The following BMAL1 variants were observed in gnomAD, a reference collection of about 807,000 sequenced individuals.
The protein encoded by BMAL1 is basic helix-loop-helix ARNT like 1.
At chr11:13,376,689 T>TC in the BMAL1 span, 1 of 1,613,670 alleles carries the variant, frequency 6.2e-7, no homozygotes, top group Non-Finnish European at 8.5e-7. Context: ...GCTCACAGCA[T>TC]CCCCCCACAG....
chr11:13,306,635 G>A, the BMAL1 span, among the ~76,000 whole-genome samples: 1 of 152,146 alleles, frequency 6.6e-6, no homozygotes, highest in Non-Finnish European at 1.5e-5. Flanking sequence ...CTGGCTGCTG[G>A]GTAAAAATCC....
At chr11:13,321,097 G>A in the BMAL1 span, among the ~76,000 whole-genome samples, 2 of 151,926 alleles carry the variant, frequency 1.3e-5, no homozygotes, top group Non-Finnish European at 2.9e-5. Context: ...CCTTCACTCT[G>A]CCTTTCCTCC....
At chr11:13,278,303 C>T in the BMAL1 span, among the ~76,000 whole-genome samples, 12 of 152,316 alleles carry the variant, frequency 7.9e-5, no homozygotes, top group African/African-American at 2.4e-4. Context: ...AGCTAGCTGC[C>T]TCTTAAAGGG....
At chr11:13,304,060 G>T in the BMAL1 span, among the ~76,000 whole-genome samples, 1 of 152,100 alleles carries the variant, frequency 6.6e-6, no homozygotes, top group African/African-American at 2.4e-5. Flanking sequence ...AGGCCACTGG[G>T]GTCACTGTAA....
chr11:13,296,839 A>G, the BMAL1 span, among the ~76,000 whole-genome samples: 2 of 152,208 alleles, frequency 1.3e-5, no homozygotes, highest in East Asian at 3.9e-4. Flanking sequence ...CCTTAAATTC[A>G]TAGTCAGACT....
the BMAL1 span, among the ~76,000 whole-genome samples, chr11:13,337,908 T>C: frequency 6.6e-6 from 1 of 152,228 alleles, no homozygotes; most frequent in Non-Finnish European, 1.5e-5. Flanking sequence ...ACTTGTGAGC[T>C]GAGGGATTTC....
At chr11:13,332,840 G>A in the BMAL1 span, among the ~76,000 whole-genome samples, 3 of 152,148 alleles carry the variant, frequency 2.0e-5, no homozygotes, top group African/African-American at 7.2e-5. Context: ...AGGAGTCTGG[G>A]AAGTAGCCTG....
the BMAL1 span, chr11:13,381,360 G>T: frequency 1.9e-6 from 2 of 1,064,154 alleles, no homozygotes; most frequent in Non-Finnish European, 2.9e-6. Flanking sequence ...AAACAATTTG[G>T]ACTACTTCCT....
chr11:13,385,723 G>A, the BMAL1 span: 2 of 1,613,574 alleles, frequency 1.2e-6, no homozygotes, highest in Non-Finnish European at 8.5e-7. Flanking sequence ...ATTCCTTCCA[G>A]TGGCCTACTA....
the BMAL1 span, among the ~76,000 whole-genome samples, chr11:13,360,048 T>A: frequency 6.6e-6 from 1 of 152,244 alleles, no homozygotes; most frequent in Non-Finnish European, 1.5e-5. Context: ...GCCTTCTTTC[T>A]TAGAAGCAGA....
At chr11:13,295,731 G>A in the BMAL1 span, among the ~76,000 whole-genome samples, 5 of 152,186 alleles carry the variant, frequency 3.3e-5, no homozygotes, top group African/African-American at 1.2e-4. Flanking sequence ...GCATACAAGA[G>A]TCCAGATTTA....
the BMAL1 span, chr11:13,366,884 A>G: frequency 1.3e-6 from 1 of 757,658 alleles, no homozygotes. Flanking sequence ...CAGCCTTTCC[A>G]GTCCTACTTC....
chr11:13,368,042 G>C, the BMAL1 span, among the ~76,000 whole-genome samples: 13 of 152,206 alleles, frequency 8.5e-5, no homozygotes. Flanking sequence ...CACACCGCTT[G>C]TTCCTAAAAG....
At chr11:13,378,377 A>T in the BMAL1 span, 1 of 1,613,232 alleles carries the variant, frequency 6.2e-7, no homozygotes, top group East Asian at 2.2e-5. Flanking sequence ...CAGGGATTCC[A>T]GGGGGAACCC....
chr11:13,349,811 C>T, the BMAL1 span: 3 of 152,140 alleles, frequency 2.0e-5, no homozygotes, highest in Non-Finnish European at 4.4e-5. Flanking sequence ...GTGACGAGCT[C>T]GCCCAGCCTT....
chr11:13,337,969 T>A, the BMAL1 span, among the ~76,000 whole-genome samples: 1 of 152,290 alleles, frequency 6.6e-6, no homozygotes, highest in East Asian at 1.9e-4. Flanking sequence ...CTTTGAGAAC[T>A]AAACGAAACA....
chr11:13,284,108 G>GTA, the BMAL1 span, among the ~76,000 whole-genome samples: 1 of 60,436 alleles, frequency 1.7e-5, no homozygotes, highest in Admixed American at 2.2e-4. Flanking sequence ...GTGTGTGTGT[G>GTA]TGTATATATA....
the BMAL1 span, chr11:13,356,917 T>G: frequency 3.0e-5 from 48 of 1,585,386 alleles, no homozygotes; most frequent in Non-Finnish European, 4.0e-5. Context: ...GGGCGCTCAC[T>G]GTGTCCCTCC....
chr11:13,305,075 C>A, the BMAL1 span, among the ~76,000 whole-genome samples: 1 of 152,184 alleles, frequency 6.6e-6, no homozygotes, highest in Admixed American at 6.5e-5. Flanking sequence ...ACTTCCTTGG[C>A]AGTCATGACC....
Sources: gnomAD v4.1 joint callset for allele counts (sites outside exome capture counted in the v4.1 genomes callset) on GRCh38, gnomAD v4.1.1 for gene constraint, MANE v1.5 for transcripts, NCBI Gene and HGNC (gene_info 2026-07-23, HGNC 2026-07-21) for gene names.